Variants in CRYL1 observed in about 807,000 individuals in gnomAD.
CRYL1 encodes lambda-crystallin homolog.
CRYL1 carries 29 observed loss-of-function variants against 36.6 expected under a neutral mutation model. The observed-to-expected ratio is 0.79, with a 90% CI of 0.59 to 1.08. CRYL1 has a LOEUF of 1.08. CRYL1 is among the 50% of genes least tolerant of loss of function. The pLI is 0.00. For synonymous variants in CRYL1, 152 were observed against 151.5 expected (o/e 1.00, Z -0.02); for missense variants, 411 against 407.9 (o/e 1.01, Z -0.06).
At chr13:20,436,034 A>G (rs9509210) in intron 4 of CRYL1, among the ~76,000 whole-genome samples, 101,846 of 152,166 alleles carry the variant, frequency 0.67, 34,522 homozygotes, top group East Asian at 0.94. Flanking sequence ...CTTTGCAGAC[A>G]GCAAGCCCAT....
chr13:20,461,899 A>G (rs2032826594), intron 3 of CRYL1, among the ~76,000 whole-genome samples: 1 of 113,348 alleles, frequency 8.8e-6, no homozygotes, highest in African/African-American at 3.4e-5. Context: ...GGGGCTCAGC[A>G]TTGTGGGAGG....
chr13:20,412,736 A>G (rs9509205), intron 6 of CRYL1, among the ~76,000 whole-genome samples: 113,147 of 152,006 alleles, frequency 0.74, 42,310 homozygotes, highest in Admixed American at 0.83. Context: ...ATTCCCCCCA[A>G]GCCTTCTGGA....
intron 3 of CRYL1, among the ~76,000 whole-genome samples, chr13:20,447,178 T>C (rs1430744781): frequency 1.3e-5 from 2 of 152,188 alleles, no homozygotes; most frequent in Admixed American, 6.5e-5. Context: ...AAAGTTCAAA[T>C]GTCCACAGGA....
chr13:20,480,777 C>G (rs1333947160), intron 3 of CRYL1, among the ~76,000 whole-genome samples: 1 of 152,194 alleles, frequency 6.6e-6, no homozygotes, highest in African/African-American at 2.4e-5. Context: ...TGCAGGCACA[C>G]TGAATGCAAT....
intron 3 of CRYL1, among the ~76,000 whole-genome samples, chr13:20,483,968 C>T (rs941771579): frequency 4.6e-5 from 7 of 152,282 alleles, no homozygotes; most frequent in African/African-American, 1.4e-4. Context: ...AGGTGCCCAC[C>T]ACCACACCTG....
At chr13:20,455,723 T>A (rs1002765435) in intron 3 of CRYL1, among the ~76,000 whole-genome samples, 7 of 152,368 alleles carry the variant, frequency 4.6e-5, no homozygotes, top group African/African-American at 1.7e-4. Context: ...CCCAGAAGTT[T>A]ATTTTGTAGA....
intron 3 of CRYL1, among the ~76,000 whole-genome samples, chr13:20,482,328 A>C (rs868596588): frequency 1.8e-4 from 27 of 152,318 alleles, no homozygotes; most frequent in Middle Eastern, 3.4e-3. Flanking sequence ...TCGTAACTCT[A>C]TAAATCATTC....
chr13:20,417,728 G>C (rs866759384), intron 5 of CRYL1, among the ~76,000 whole-genome samples: 1 of 152,156 alleles, frequency 6.6e-6, no homozygotes, highest in Admixed American at 6.5e-5. Context: ...CACATGCATA[G>C]CTGGGGCACA....
At position 20,433,267 on chromosome 13, in the gene CRYL1, A is replaced by G. The variant is rs556200360; in HGVS notation, c.439-971T>C. Among the ~76,000 whole-genome samples, 19 of 152,314 alleles carry G rather than the reference A, an allele frequency of 1.2e-4. No homozygotes were observed. In the South Asian group the frequency reaches 3.9e-3, roughly 32 times the overall value. ...TCTGGTGTTCTTGGTTTACTTTGAGAAACTGTTCTTAGAGATTCCTCACAG... is the reference window on the plus strand; with the variant it reads ...TCTGGTGTTCTTGGTTTACTTTGAGGAACTGTTCTTAGAGATTCCTCACAG... On this transcript the variant is annotated intron_variant, in intron 4 of 7. Transcript: ENST00000298248.
intron 3 of CRYL1, among the ~76,000 whole-genome samples, chr13:20,475,686 C>T (rs902286193): frequency 6.6e-6 from 1 of 152,160 alleles, no homozygotes; most frequent in Non-Finnish European, 1.5e-5. Flanking sequence ...CCATATCAGC[C>T]TCAGGAGGCC....
At chr13:20,507,950 T>C (rs1481278795) in intron 2 of CRYL1, among the ~76,000 whole-genome samples, 2 of 145,576 alleles carry the variant, frequency 1.4e-5, no homozygotes, top group African/African-American at 5.1e-5. Context: ...AAAAAAAAAG[T>C]CCATGCCTGG....
intron 3 of CRYL1, among the ~76,000 whole-genome samples, chr13:20,471,584 G>A (rs1259133459): frequency 2.0e-5 from 3 of 151,612 alleles, no homozygotes; most frequent in South Asian, 2.1e-4. Flanking sequence ...CAGCCTGGGC[G>A]ACAGAGCGAG....
chr13:20,418,211 A>G (rs2031717712), intron 5 of CRYL1, among the ~76,000 whole-genome samples: 4 of 152,052 alleles, frequency 2.6e-5, no homozygotes, highest in Non-Finnish European at 4.4e-5. Context: ...CAACATCTAG[A>G]CTGAGTTTGA....
intron 1 of CRYL1, among the ~76,000 whole-genome samples, chr13:20,520,773 G>A (rs1193800492): frequency 6.6e-6 from 1 of 152,150 alleles, no homozygotes; most frequent in African/African-American, 2.4e-5. Flanking sequence ...CTGCAGCCTG[G>A]GATGCACAGA....
At chr13:20,459,128 C>T (rs1261353405) in intron 3 of CRYL1, among the ~76,000 whole-genome samples, 1 of 146,666 alleles carries the variant, frequency 6.8e-6, no homozygotes, top group African/African-American at 2.5e-5. Flanking sequence ...CCCGGCTACT[C>T]GGGAGGCTGA....
At chr13:20,521,925 A>T (rs1160088522) in intron 1 of CRYL1, among the ~76,000 whole-genome samples, 1 of 152,210 alleles carries the variant, frequency 6.6e-6, no homozygotes, top group Non-Finnish European at 1.5e-5. Flanking sequence ...CGAAGGGCAC[A>T]TTTAGTGTCT....
At chr13:20,452,469 G>T (rs976780972) in intron 3 of CRYL1, among the ~76,000 whole-genome samples, 10 of 151,960 alleles carry the variant, frequency 6.6e-5, no homozygotes, top group African/African-American at 2.4e-4. Flanking sequence ...ACACTAAACG[G>T]GTCAATTTTC....
At chr13:20,521,092 G>T (rs2034085334) in intron 1 of CRYL1, among the ~76,000 whole-genome samples, 1 of 105,260 alleles carries the variant, frequency 9.5e-6, no homozygotes, top group Non-Finnish European at 1.7e-5. Context: ...GAAAGAGCGA[G>T]ACTCCGTCTC....
chr13:20,505,029 A>G (rs1434604656), intron 2 of CRYL1, among the ~76,000 whole-genome samples: 1 of 152,166 alleles, frequency 6.6e-6, no homozygotes, highest in Non-Finnish European at 1.5e-5. Flanking sequence ...AATTTCAACC[A>G]CGTGACATTT....
Sources: allele counts gnomAD v4.1 joint callset (sites outside exome capture counted in the v4.1 genomes callset), GRCh38; gene constraint gnomAD v4.1.1; transcripts MANE v1.5; gene names NCBI Gene and HGNC (gene_info 2026-07-23, HGNC 2026-07-21).